Variants in FGF12 observed in about 807,000 individuals in gnomAD.
The protein encoded by FGF12 is fibroblast growth factor 12.
In FGF12, 14 loss-of-function variants were observed where a neutral mutation model predicts 23.6. The ratio of observed to expected loss-of-function variants is 0.59; its 90% CI spans 0.39 to 0.93. The LOEUF (loss-of-function observed/expected upper bound fraction) is 0.93. Among genes scored for constraint, FGF12 ranks in the 40% least tolerant of loss-of-function variants. The pLI is 0.00. For synonymous variants in FGF12, 62 were observed against 77.3 expected (o/e 0.80, Z 1.04); for missense variants, 175 against 217.8 (o/e 0.80, Z 1.24).
At chr3:192,506,789 A>G (rs1237186941) in intron 2 of FGF12, among the ~76,000 whole-genome samples, 1 of 152,084 alleles carries the variant, frequency 6.6e-6, no homozygotes, top group Admixed American at 6.5e-5. Flanking sequence ...TAACAGCCGT[A>G]TGATCTCCAT....
At chr3:192,226,203 T>C (rs1718724050) in intron 4 of FGF12, among the ~76,000 whole-genome samples, 1 of 152,166 alleles carries the variant, frequency 6.6e-6, no homozygotes, top group Non-Finnish European at 1.5e-5. Flanking sequence ...CCATTGCTCT[T>C]TTGAAGTCCT....
At chr3:192,575,967 A>G (rs1163502013) in intron 2 of FGF12, among the ~76,000 whole-genome samples, 1 of 152,218 alleles carries the variant, frequency 6.6e-6, no homozygotes, top group African/African-American at 2.4e-5. Flanking sequence ...TCTTTCACCA[A>G]TAGATTTTTT....
chr3:192,170,429 C>T, intron 5 of FGF12, 29 bp downstream of exon 5: 5 of 1,598,342 alleles, frequency 3.1e-6, no homozygotes, highest in Non-Finnish European at 4.3e-6. Context: ...AGATAAGGGT[C>T]CAACAAAGAC....
chr3:192,311,667 G>A (rs771306765), intron 4 of FGF12, among the ~76,000 whole-genome samples: 35 of 152,254 alleles, frequency 2.3e-4, no homozygotes, highest in Non-Finnish European at 4.3e-4. Flanking sequence ...ACATCTAGCC[G>A]TGGAACTGTT....
chr3:192,524,125 A>G (rs1245377670), intron 2 of FGF12, among the ~76,000 whole-genome samples: 9 of 152,172 alleles, frequency 5.9e-5, no homozygotes, highest in Non-Finnish European at 5.9e-5. Flanking sequence ...GCAGGGCTGC[A>G]ACTAAGTGGC....
intron 4 of FGF12, among the ~76,000 whole-genome samples, chr3:192,213,053 A>G (rs1476019059): frequency 6.6e-6 from 1 of 152,206 alleles, no homozygotes; most frequent in African/African-American, 2.4e-5. Context: ...TTGTCAGGTT[A>G]TGATGTGCCA....
At chr3:192,400,728 C>A (rs985647662) in intron 2 of FGF12, among the ~76,000 whole-genome samples, 1 of 152,174 alleles carries the variant, frequency 6.6e-6, no homozygotes, top group African/African-American at 2.4e-5. Context: ...CCTCTATCAA[C>A]CCTGCTCCTT....
At chr3:192,699,120 T>C (rs1718217451) in intron 2 of FGF12, among the ~76,000 whole-genome samples, 1 of 152,150 alleles carries the variant, frequency 6.6e-6, no homozygotes, top group South Asian at 2.1e-4. Flanking sequence ...CAGCTTTCAG[T>C]TTTGTTTTTC....
At chr3:192,371,574 A>AT (rs1374150516) in intron 2 of FGF12, among the ~76,000 whole-genome samples, 1 of 152,252 alleles carries the variant, frequency 6.6e-6, no homozygotes, top group Non-Finnish European at 1.5e-5. Context: ...GACAGAATTA[A>AT]TGTAGATAGG....
In FGF12 at chr3:192,642,515, T is replaced by A. The variant is rs572507555; in HGVS notation, c.13+84666A>T. Reference sequence around the variant, plus strand: ...TTATCTCTGGAAACATAATCAGGAATAACTTTTGTCTCTGGCCAAAGAAGA... The same window carrying A: ...TTATCTCTGGAAACATAATCAGGAAAAACTTTTGTCTCTGGCCAAAGAAGA... On this transcript the variant is annotated intron_variant, in intron 2 of 5. Transcript: ENST00000445105. Among the ~76,000 whole-genome samples the A allele has an allele frequency of 7.2e-3, 1,102 of 152,380 alleles. 5 individuals are homozygous for A. The highest frequency in any genetic ancestry group is 0.012 in the Non-Finnish European group (829 of 68,030).
Position 192,409,717 on chromosome 3 carries a change from A to G in FGF12, c.14-49179T>C, listed in dbSNP as rs1464938. Among the ~76,000 whole-genome samples, 111,715 of 152,116 alleles carry G rather than the reference A, an allele frequency of 0.73. 41,111 individuals carry two copies. The highest frequency in any genetic ancestry group is 0.78 in the African/African-American group (32,207 of 41,542). The stretch of plus-strand genomic sequence containing the variant: ...GAGCTGCCCACCATGGTCTGGCGCC[A>G]GGGGCGCAGGCGGGGCCCCTAGGCC... On this transcript the variant is annotated intron_variant, in intron 2 of 5. Coordinates refer to ENST00000445105, the MANE Select transcript of FGF12 (RefSeq NM_004113.6). The surrounding 1 kb of genome is among the most constrained non-coding windows in gnomAD (Gnocchi z 4.8).
chr3:192,224,560 C>CT (rs1026296765), intron 4 of FGF12, among the ~76,000 whole-genome samples: 29 of 151,086 alleles, frequency 1.9e-4, no homozygotes, highest in African/African-American at 5.3e-4. Flanking sequence ...TTCATAGCTA[C>CT]TTTTTTTTTA....
intron 4 of FGF12, among the ~76,000 whole-genome samples, chr3:192,173,448 GAC>G (rs1045386463): frequency 2.0e-5 from 3 of 151,562 alleles, no homozygotes; most frequent in Non-Finnish European, 4.4e-5. Context: ...ATATTGCCAG[GAC>G]AGAGTTTAGT....
chr3:192,567,805 T>TTC (rs756830114), intron 2 of FGF12, among the ~76,000 whole-genome samples: 16 of 130,460 alleles, frequency 1.2e-4, no homozygotes, highest in South Asian at 2.6e-4. Context: ...TTCTTTCTCT[T>TTC]TCTTTCTTTC....
intron 2 of FGF12, among the ~76,000 whole-genome samples, chr3:192,711,859 T>G (rs1718694151): frequency 6.6e-6 from 1 of 151,280 alleles, no homozygotes; most frequent in Admixed American, 6.6e-5. Context: ...CTTTGTTCAC[T>G]TGTTTATCTG....
intron 2 of FGF12, among the ~76,000 whole-genome samples, chr3:192,502,786 G>A (rs948437333): frequency 6.6e-6 from 1 of 152,224 alleles, no homozygotes; most frequent in Non-Finnish European, 1.5e-5. Context: ...GCGCCTAATT[G>A]CTAGAGGAAA....
intron 2 of FGF12, among the ~76,000 whole-genome samples, chr3:192,370,544 A>G (rs939403002): frequency 2.8e-5 from 4 of 142,680 alleles, no homozygotes; most frequent in African/African-American, 1.1e-4. Context: ...ACCTGTATCT[A>G]AAAAAAAGTT....
chr3:192,297,051 A>G (rs138745803), intron 4 of FGF12, among the ~76,000 whole-genome samples: 8 of 152,318 alleles, frequency 5.3e-5, no homozygotes, highest in African/African-American at 1.9e-4. Flanking sequence ...TTTTGGCACA[A>G]CATGGTTATT....
chr3:192,658,607 A>C (rs569143065), intron 2 of FGF12, among the ~76,000 whole-genome samples: 1 of 152,262 alleles, frequency 6.6e-6, no homozygotes, highest in Non-Finnish European at 1.5e-5. Context: ...ATAATAGGTT[A>C]GCTTGAGAAT....
Sources: allele counts gnomAD v4.1 joint callset (sites outside exome capture counted in the v4.1 genomes callset), GRCh38; gene constraint gnomAD v4.1.1; non-coding constraint Gnocchi (gnomAD v3.1); transcripts MANE v1.5; gene names NCBI Gene and HGNC (gene_info 2026-07-23, HGNC 2026-07-21).